The following PTPRG variants were observed in gnomAD, a reference collection of about 807,000 sequenced individuals.
The protein encoded by PTPRG is protein tyrosine phosphatase receptor type G, also known as receptor-type tyrosine-protein phosphatase gamma.
Under a neutral mutation model 165.3 loss-of-function variants are expected in PTPRG, and 102 were observed. The ratio of observed to expected loss-of-function variants is 0.62; its 90% CI spans 0.53 to 0.73. The LOEUF is 0.73. Ranked by LOEUF, PTPRG falls within the 30% of genes least tolerant of loss-of-function variation. The pLI is 0.00. For missense variants in PTPRG, 1,866 were observed against 1,861.4 expected (o/e 1.00, Z -0.05); for synonymous variants, 675 against 669.5 (o/e 1.01, Z -0.13).
intron 5 of PTPRG, chr3:62,124,520 T>C: frequency 1.3e-6 from 2 of 1,562,522 alleles, no homozygotes; most frequent in Non-Finnish European, 1.8e-6. Flanking sequence ...CATCAGGTCA[T>C]CCACCGGGGT....
chr3:62,142,919 C>T (rs1169729250), intron 6 of PTPRG, among the ~76,000 whole-genome samples: 2 of 152,152 alleles, frequency 1.3e-5, no homozygotes, highest in African/African-American at 2.4e-5. Context: ...GAGATACAAC[C>T]ACCATGGCCC....
At chr3:61,976,012 A>C (rs954973) in intron 2 of PTPRG, among the ~76,000 whole-genome samples, 14,338 of 152,216 alleles carry the variant, frequency 0.094, 768 homozygotes, top group Middle Eastern at 0.14. Context: ...ACCCTTGAAG[A>C]ACCGTGTTCT....
intron 4 of PTPRG, among the ~76,000 whole-genome samples, chr3:62,025,499 T>G (rs1283629158): frequency 6.6e-6 from 1 of 152,200 alleles, no homozygotes; most frequent in Non-Finnish European, 1.5e-5. Flanking sequence ...CAAATTTTCA[T>G]CTATTTTTTT....
At chr3:61,694,023 AAAAGAGAG>A (rs1422848599) in intron 1 of PTPRG, among the ~76,000 whole-genome samples, 3 of 144,034 alleles carry the variant, frequency 2.1e-5, no homozygotes, top group Non-Finnish European at 4.5e-5. Context: ...AAAAAAAAAA[AAAAGAGAG>A]AGAGAGAGAG....
intron 2 of PTPRG, among the ~76,000 whole-genome samples, chr3:61,860,254 A>G (rs1250586213): frequency 6.6e-6 from 1 of 152,070 alleles, no homozygotes; most frequent in African/African-American, 2.4e-5. Flanking sequence ...AAATTTTAAT[A>G]TGTCCCCTAG....
intron 2 of PTPRG, among the ~76,000 whole-genome samples, chr3:61,792,668 T>C (rs576333220): frequency 8.5e-6 from 1 of 118,152 alleles, no homozygotes; most frequent in African/African-American, 3.2e-5. Context: ...TTTTTGTGGG[T>C]TTTCTTTCTT....
intron 5 of PTPRG, among the ~76,000 whole-genome samples, chr3:62,111,712 G>T (rs1372138014): frequency 6.6e-6 from 1 of 152,156 alleles, no homozygotes; most frequent in Non-Finnish European, 1.5e-5. Context: ...GCCTCCCAAA[G>T]TGCTGGGATT....
At chr3:61,731,795 C>CA (rs2032512362) in intron 1 of PTPRG, among the ~76,000 whole-genome samples, 1 of 149,574 alleles carries the variant, frequency 6.7e-6, no homozygotes, top group Non-Finnish European at 1.5e-5. Context: ...TGCATAGGTA[C>CA]TTTTTTTTTT....
intron 28 of PTPRG, among the ~76,000 whole-genome samples, chr3:62,288,140 TAAAAAA>T (rs374405748): frequency 1.7e-4 from 19 of 113,668 alleles, no homozygotes; most frequent in Admixed American, 3.6e-4. Flanking sequence ...AAACTGTACT[TAAAAAA>T]AAAAAAAAAA....
rs200992663 is a variant in PTPRG, at chr3:61,989,812, A to G, written c.370+8A>G. 1.2e-3 allele frequency: 1,979 copies of G among 1,613,482 alleles called. 36 individuals carry two copies. Among genetic ancestry groups the G allele is most frequent in the African/African-American group, 8.0e-4 (60 of 75,000 alleles). ...AAAACACAGGGAAAACAGGTAGACA[A>G]TGGCTTCTTTATTTGTCCACAGAGC... On this transcript the variant is annotated splice_region_variant and intron_variant, in intron 3 of 29. Transcript: ENST00000474889.
chr3:62,183,434 G>C (rs1705737975), intron 8 of PTPRG, among the ~76,000 whole-genome samples: 1 of 151,986 alleles, frequency 6.6e-6, no homozygotes, highest in Admixed American at 6.6e-5. Flanking sequence ...TGTGGTGGTG[G>C]GTACCTGTAA....
chr3:61,993,684 G>T (rs1305750085), intron 3 of PTPRG, among the ~76,000 whole-genome samples: 1 of 152,050 alleles, frequency 6.6e-6, no homozygotes, highest in African/African-American at 2.4e-5. Context: ...GTCTGTCTTT[G>T]TGCCATCCAT....
In PTPRG at chr3:61,975,911, C is replaced by G. The variant is rs577017516; in HGVS notation, c.191-13714C>G. Among the ~76,000 whole-genome samples the G allele has an allele frequency of 3.3e-5, 5 of 152,262 alleles. No individual in the cohort carries two copies. The South Asian group carries it at 8.3e-4, about 25-fold the overall frequency. The stretch of plus-strand genomic sequence containing the variant: ...TGATTTGCTCTTTTTTATATATTCT[C>G]CTTGTATACCCCTATTTATTTGATG... On this transcript the variant is annotated intron_variant, in intron 2 of 29. Transcript: ENST00000474889.
chr3:61,988,862 G>A (rs1205188163), intron 2 of PTPRG, among the ~76,000 whole-genome samples: 2 of 152,180 alleles, frequency 1.3e-5, no homozygotes, highest in Admixed American at 1.3e-4. Context: ...GGCAAATGCA[G>A]TGTGTTTTCT....
chr3:62,069,633 C>T (rs1327874016), intron 4 of PTPRG, among the ~76,000 whole-genome samples: 1 of 121,382 alleles, frequency 8.2e-6, no homozygotes, highest in East Asian at 2.5e-4. Flanking sequence ...GCCATAGGAT[C>T]GATGTCTCTC....
chr3:62,074,360 T>A (rs1303319744), intron 4 of PTPRG, among the ~76,000 whole-genome samples: 1 of 75,274 alleles, frequency 1.3e-5, no homozygotes, highest in African/African-American at 4.0e-5. Context: ...TTCTTTTTTT[T>A]TTTTTTTTTT....
intron 23 of PTPRG, among the ~76,000 whole-genome samples, chr3:62,274,643 A>G (rs564981758): frequency 6.6e-6 from 1 of 152,316 alleles, no homozygotes; most frequent in Non-Finnish European, 1.5e-5. Context: ...AACTTTCCAT[A>G]GACTGAAACT....
At chr3:61,805,121 T>A (rs897996646) in intron 2 of PTPRG, among the ~76,000 whole-genome samples, 1 of 152,166 alleles carries the variant, frequency 6.6e-6, no homozygotes, top group Admixed American at 6.6e-5. Context: ...CTAAGGGAAC[T>A]TTTTTTCTTT....
chr3:62,119,357 G>A (rs1299083506), intron 5 of PTPRG, among the ~76,000 whole-genome samples: 1 of 152,234 alleles, frequency 6.6e-6, no homozygotes, highest in Non-Finnish European at 1.5e-5. Flanking sequence ...CCTCCCATGG[G>A]AGCCACATTG....
Sources: allele counts gnomAD v4.1 joint callset (sites outside exome capture counted in the v4.1 genomes callset), GRCh38; gene constraint gnomAD v4.1.1; transcripts MANE v1.5; gene names NCBI Gene and HGNC (gene_info 2026-07-23, HGNC 2026-07-21).